The following CRTC1 variants were observed in gnomAD, a reference collection of about 807,000 sequenced individuals.
CRTC1 encodes the protein CREB regulated transcription coactivator 1.
Under a neutral mutation model 66.1 loss-of-function variants are expected in CRTC1, and 18 were observed. The ratio of observed to expected loss-of-function variants is 0.27; its 90% CI spans 0.19 to 0.40. CRTC1 has a LOEUF of 0.40. Ranked by LOEUF, CRTC1 falls within the 10% of genes least tolerant of loss-of-function variation. The pLI, the probability that CRTC1 is intolerant of heterozygous loss-of-function variation, is 1.00. For missense variants in CRTC1, 669 were observed against 887.9 expected, an observed-to-expected ratio of 0.75 and a Z score of 3.13; for synonymous variants, 416 against 398.8, an observed-to-expected ratio of 1.04 and a Z score of -0.51.
At chr19:18,706,592 T>C (rs1301528053) in intron 1 of CRTC1, among the ~76,000 whole-genome samples, 1 of 152,186 alleles carries the variant, frequency 6.6e-6, no homozygotes, top group African/African-American at 2.4e-5. Context: ...GATCAAGAAG[T>C]GTGAGTCTTC....
chr19:18,707,277 A>G (rs188903132), intron 1 of CRTC1, among the ~76,000 whole-genome samples: 2 of 152,300 alleles, frequency 1.3e-5, no homozygotes, highest in East Asian at 3.9e-4. Context: ...TAATTTTTGT[A>G]TATGGTGTTA....
intron 11 of CRTC1, among the ~76,000 whole-genome samples, chr19:18,772,835 G>A (rs995226137): frequency 6.6e-6 from 1 of 152,160 alleles, no homozygotes; most frequent in African/African-American, 2.4e-5. Flanking sequence ...CTCTGGCAGC[G>A]TGTCTGGTCT....
intron 1 of CRTC1, among the ~76,000 whole-genome samples, chr19:18,713,984 A>G (rs1423031394): frequency 6.6e-6 from 1 of 152,132 alleles, no homozygotes; most frequent in African/African-American, 2.4e-5. Flanking sequence ...TAGCAGCCAC[A>G]TGCCTCCTGT....
At position 18,768,437 on chromosome 19, in the gene CRTC1, G is replaced by T. The variant is rs1327624202; in HGVS notation, c.1012-48G>T. The T allele has an allele frequency of 6.5e-7, 1 of 1,547,082 alleles. No homozygotes were observed. The highest frequency in any genetic ancestry group is 1.7e-5 in the Admixed American group (1 of 57,934). On this transcript the variant is annotated intron_variant, in intron 9 of 13. Transcript: ENST00000321949. This position sits in a 1 kb window ranked among gnomAD's most constrained non-coding sequence, Gnocchi z 5.6. Reference sequence around the variant, plus strand: ...GGCTATGGGGGCCCGAGGGGGCCAGGCGCTGACAACCAGGGCCCGCCCTGC... The same window carrying T: ...GGCTATGGGGGCCCGAGGGGGCCAGTCGCTGACAACCAGGGCCCGCCCTGC...
chr19:18,764,162 G>A (rs907756447), intron 8 of CRTC1, among the ~76,000 whole-genome samples: 14 of 152,336 alleles, frequency 9.2e-5, no homozygotes, highest in African/African-American at 3.1e-4. Flanking sequence ...TCCCCTCGGC[G>A]CTTGTCGGGT....
Position 18,778,356 on chromosome 19 carries a change from A to T in CRTC1, c.*974A>T, listed in dbSNP as rs1469593413. On this transcript the variant is annotated 3_prime_UTR_variant, in exon 14 of 14. Transcript: ENST00000321949. The stretch of plus-strand genomic sequence containing the variant: ...ATGACTCGCTTAATCTTTTAAGCCA[A>T]CACTTGCCTGAGAGCATGTTTTTAT... 1.7e-5 allele frequency: 4 copies of T among 232,914 alleles called. No individual in the cohort carries two copies. The highest frequency in any genetic ancestry group is 3.4e-5 in the Non-Finnish European group (4 of 117,902). 14.4% of individuals were successfully genotyped at this position (232,914 alleles called of 1,614,324 possible).
intron 10 of CRTC1, among the ~76,000 whole-genome samples, chr19:18,770,125 C>T (rs1477853753): frequency 6.7e-6 from 1 of 148,178 alleles, no homozygotes; most frequent in Non-Finnish European, 1.5e-5. Context: ...TCAGGCTGGG[C>T]CTCATTCAGT....
intron 5 of CRTC1, 133 bp from the exon 6 acceptor site, chr19:18,753,367 G>A: frequency 1.6e-6 from 1 of 618,366 alleles, no homozygotes. Flanking sequence ...GTCCACAGAA[G>A]TTCCCGTTAG....
Position 18,765,514 on chromosome 19 carries a change from T to C in CRTC1, c.997T>C (p.Ser333Pro). Reference protein sequence around the residue: ...QQASPTLSPLSPITQAVAMDA... With the variant: ...QQASPTLSPLPPITQAVAMDA... ...GGCATCGCCCACCCTGTCCCCGCTG[T>C]CACCCATCACTCAGGTGCGAGGGCA... The change falls in exon 9 of 14, where the codon TCA becomes CCA. Residue 333 changes from serine to proline, a missense_variant. Around this residue, in one of 8 missense-constraint regions of CRTC1, gnomAD observed 241 missense variants for 242.2 expected, o/e 0.99. Coordinates refer to ENST00000321949, the MANE Select transcript of CRTC1 (RefSeq NM_015321.3). The C allele has an allele frequency of 6.2e-7, 1 of 1,605,944 alleles. No individual in the cohort carries two copies. The highest frequency in any genetic ancestry group is 8.5e-7 in the Non-Finnish European group (1 of 1,178,744).
intron 1 of CRTC1, among the ~76,000 whole-genome samples, chr19:18,729,200 C>A (rs190552551): frequency 6.8e-5 from 10 of 147,190 alleles, no homozygotes; most frequent in African/African-American, 2.5e-4. Flanking sequence ...CCGAGGTGGG[C>A]GGATCACGAG....
chr19:18,750,169 G>C (rs1252593066), intron 5 of CRTC1, among the ~76,000 whole-genome samples: 2 of 152,222 alleles, frequency 1.3e-5, no homozygotes, highest in Non-Finnish European at 2.9e-5. Flanking sequence ...CACAGATGCT[G>C]GTTTCAAATG....
At chr19:18,767,581 C>G (rs558681090) in intron 9 of CRTC1, among the ~76,000 whole-genome samples, 6 of 152,146 alleles carry the variant, frequency 3.9e-5, no homozygotes, top group Non-Finnish European at 8.8e-5. Context: ...TGGCAATGCC[C>G]GGCCCGGACT....
At chr19:18,725,057 G>C (rs1216936799) in intron 1 of CRTC1, among the ~76,000 whole-genome samples, 1 of 152,038 alleles carries the variant, frequency 6.6e-6, no homozygotes, top group Admixed American at 6.5e-5. Flanking sequence ...GAGCTGGGGG[G>C]TGTCCCCTTT....
chr19:18,733,831 G>C (rs1256199038), intron 1 of CRTC1, among the ~76,000 whole-genome samples: 2 of 152,180 alleles, frequency 1.3e-5, no homozygotes, highest in African/African-American at 4.8e-5. Context: ...AAACAGAGGG[G>C]CTGGCTGGGC....
In CRTC1 at chr19:18,781,552, C is replaced by G. The variant is rs2055104105; in HGVS notation, c.*4170C>G. On this transcript the variant is annotated 3_prime_UTR_variant, in exon 14 of 14. Transcript: ENST00000321949. ...CACCCACCCCCACTGGCCACAGACA[C>G]CATTCTCCCCCTGGGAGCAGGAGGT... 8.7e-6 allele frequency: 2 copies of G among 229,884 alleles called. No individual in the cohort carries two copies. Among genetic ancestry groups the G allele is most frequent in the Non-Finnish European group, 1.7e-5 (2 of 116,012 alleles). The allele number at this position is 229,884 out of a possible 1,614,324, so 14.2% of individuals were successfully genotyped here.
At chr19:18,694,001 G>A (rs960667904) in intron 1 of CRTC1, among the ~76,000 whole-genome samples, 1 of 151,864 alleles carries the variant, frequency 6.6e-6, no homozygotes, top group Non-Finnish European at 1.5e-5. Context: ...GCATGGTGGC[G>A]GGCACCTGTA....
intron 2 of CRTC1, among the ~76,000 whole-genome samples, chr19:18,743,455 C>T (rs865789288): frequency 4.6e-5 from 7 of 152,360 alleles, no homozygotes; most frequent in South Asian, 2.1e-4. Context: ...TCCCGCAGGC[C>T]GCACAGCCGC....
At chr19:18,701,113 A>G (rs1455069195) in intron 1 of CRTC1, among the ~76,000 whole-genome samples, 1 of 152,266 alleles carries the variant, frequency 6.6e-6, no homozygotes, top group Admixed American at 6.5e-5. Context: ...CTGTTCGGCA[A>G]GGAGCCCGCT....
chr19:18,725,977 G>C (rs1461713905), intron 1 of CRTC1, among the ~76,000 whole-genome samples: 1 of 152,208 alleles, frequency 6.6e-6, no homozygotes, highest in African/African-American at 2.4e-5. Context: ...TGCCCATGCA[G>C]ATCTGCAGTA....
Sources: gnomAD v4.1 joint callset for allele counts (sites outside exome capture counted in the v4.1 genomes callset) on GRCh38, gnomAD v4.1.1 for gene constraint, gnomAD v4.1.1 regional missense constraint, Gnocchi (gnomAD v3.1) non-coding constraint, MANE v1.5 for transcripts, NCBI Gene and HGNC (gene_info 2026-07-23, HGNC 2026-07-21) for gene names.